The following DNAH8 variants were observed in gnomAD, a reference collection of about 807,000 sequenced individuals.
DNAH8 encodes the protein dynein axonemal heavy chain 8, also known as axonemal beta dynein heavy chain 8.
In DNAH8, 382 loss-of-function variants were observed where a neutral mutation model predicts 562.1. That is an observed-to-expected ratio of 0.68 (90% confidence interval 0.63 to 0.74). The LOEUF is 0.74. Among genes scored for constraint, DNAH8 ranks in the 30% least tolerant of loss-of-function variants. The probability of loss-of-function intolerance (pLI) is 0.00; values close to 1 mark genes in which losing one functional copy is unlikely to be tolerated. For missense variants in DNAH8, 5,203 were observed against 5,620.4 expected, an observed-to-expected ratio of 0.93 and a Z score of 2.37; for synonymous variants, 1,881 against 1,919.4, an observed-to-expected ratio of 0.98 and a Z score of 0.52.
chr6:38,734,528 A>T lies in DNAH8; in HGVS notation c.665A>T (p.Tyr222Phe), dbSNP rs753974456. The change falls in exon 5 of 93, where the codon TAT becomes TTT. Residue 222 changes from tyrosine to phenylalanine, a missense_variant. By Grantham distance (22) the Tyr-to-Phe change is conservative (BLOSUM62 3). This residue lies in a region of DNAH8 where 556 missense variants were observed against 496.9 expected (regional missense o/e 1.12). Coordinates refer to ENST00000327475, the MANE Select transcript of DNAH8 (RefSeq NM_001206927.2). The stretch of plus-strand genomic sequence containing the variant: ...AAAGGGGCAAAAATGATGAAATTGT[A>T]TATAGACAATGCAGCCCCGGATAAA... ...ATKGAKMMKL[Y>F]IDNAAPDKLK... is the part of the protein sequence containing the mutation. 1.9e-6 allele frequency: 3 copies of T among 1,613,880 alleles called. No individual in the cohort carries two copies. The highest frequency in any genetic ancestry group is 2.7e-5 in the African/African-American group (2 of 74,940).
chr6:38,913,766 A>G (rs1781084441), intron 66 of DNAH8, 83 bp from the exon 67 acceptor site: 1 of 940,474 alleles, frequency 1.1e-6, no homozygotes, highest in African/African-American at 1.6e-5. Context: ...TACAGTGCCT[A>G]ATAAATAGTA....
chr6:38,975,686 T>A (rs985871704), intron 85 of DNAH8, among the ~76,000 whole-genome samples: 2 of 152,206 alleles, frequency 1.3e-5, no homozygotes, highest in African/African-American at 4.8e-5. Context: ...GGCCTTTGGA[T>A]TGTCAATTAC....
chr6:38,779,898 A>G, intron 14 of DNAH8, 68 bp from the exon 15 acceptor site: 1 of 1,383,792 alleles, frequency 7.2e-7, no homozygotes. Flanking sequence ...ATGGATGGTT[A>G]GTATGACAGC....
At position 38,949,498 on chromosome 6, in the gene DNAH8, C is replaced by T. The variant is rs780928277; in HGVS notation, c.12176C>T (p.Ala4059Val). The T allele has an allele frequency of 4.5e-5, 72 of 1,613,390 alleles. No individual in the cohort carries two copies. The highest frequency in any genetic ancestry group is 5.6e-5 in the Non-Finnish European group (66 of 1,179,578). Residue 4059 changes from alanine to valine, a missense_variant, in exon 81 of 93, where the codon GCT becomes GTT. Ala to Val is a moderately conservative substitution (Grantham distance 64, BLOSUM62 0). Coordinates refer to ENST00000327475, the MANE Select transcript of DNAH8 (RefSeq NM_001206927.2). ...TGGAAAAGCTGGTTTGATAAAGATG[C>T]TCCAGAGGAGGAAATTATCCCTGAT... is the stretch of plus-strand genomic sequence containing the variant. ...KGWKSWFDKD[A>V]PEEEIIPDGY... is the part of the protein sequence containing the mutation.
At chr6:38,917,474 A>G in intron 69 of DNAH8, 68 bp downstream of exon 69, 3 of 1,287,462 alleles carry the variant, frequency 2.3e-6, no homozygotes, top group East Asian at 2.3e-5. Context: ...GACACTCAAT[A>G]TAGACCAGAC....
At chr6:38,865,047 C>T (rs1776933252) in intron 45 of DNAH8, among the ~76,000 whole-genome samples, 1 of 152,156 alleles carries the variant, frequency 6.6e-6, no homozygotes, top group African/African-American at 2.4e-5. Flanking sequence ...TAAGGGTGAG[C>T]TTTGAGATTC....
At chr6:38,866,993 G>T (rs935283658) in intron 47 of DNAH8, 117 bp downstream of exon 47, 7 of 601,084 alleles carry the variant, frequency 1.2e-5, no homozygotes, top group Non-Finnish European at 2.0e-5. Context: ...TTTCTAAAAT[G>T]CTTTTAGAAT....
At chr6:38,866,455 G>A in intron 45 of DNAH8, 136 bp from the exon 46 acceptor site, 1 of 627,344 alleles carries the variant, frequency 1.6e-6, no homozygotes, top group Non-Finnish European at 2.7e-6. Context: ...ATATTGTTTT[G>A]AGAAAACAAG....
In DNAH8 at chr6:39,024,924, G is replaced by A. The variant is rs1399571500; in HGVS notation, c.13715-1622G>A. 2.0e-5 allele frequency among the ~76,000 whole-genome samples: 3 copies of A among 152,166 alleles called. No homozygotes were observed. The East Asian group carries it at 5.8e-4, about 29-fold the overall frequency. ...GTTGATTGGTCAACTCTTCTTTTGG[G>A]TTAATGCAAAGGCCCTTCTTTACCA... On this transcript the variant is annotated intron_variant, in intron 91 of 92. Transcript: ENST00000327475.
chr6:38,936,314 C>T (rs1048467503), intron 77 of DNAH8: 1 of 152,166 alleles, frequency 6.6e-6, no homozygotes, highest in African/African-American at 2.4e-5. Context: ...CTTGACCTCC[C>T]ACTTTAGATG....
In DNAH8 at chr6:38,951,452, T is replaced by C; in HGVS notation, c.12383T>C (p.Ile4128Thr). Residue 4128 changes from isoleucine to threonine, a missense_variant, in exon 82 of 93, where the codon ATA becomes ACA. Ile to Thr is a moderately conservative substitution (Grantham distance 89, BLOSUM62 -1). This residue lies in a region of DNAH8 where 1,399 missense variants were observed against 1,518.4 expected (regional missense o/e 0.92). Transcript: ENST00000327475. Reference sequence around the variant, plus strand: ...GAAAGTGATACCCGGACACCTCTGATATGCTTCCTGTCCATGGGATCTGAC... The same window carrying C: ...GAAAGTGATACCCGGACACCTCTGACATGCTTCCTGTCCATGGGATCTGAC... ...WEESDTRTPL[I>T]CFLSMGSDPT... 1 of 1,614,188 alleles carries C rather than the reference T, an allele frequency of 6.2e-7. No individual in the cohort carries two copies. The highest frequency in any genetic ancestry group is 1.3e-5 in the African/African-American group (1 of 75,052).
chr6:38,805,427 C>G (rs1240078949), intron 22 of DNAH8, 54 bp from the exon 23 acceptor site: 9 of 1,116,626 alleles, frequency 8.1e-6, no homozygotes, highest in Non-Finnish European at 1.2e-5. Context: ...ATGTAGAATA[C>G]AGACAATGCT....
At chr6:39,026,460 A>G in intron 91 of DNAH8, 86 bp from the exon 92 acceptor site, 2 of 1,349,528 alleles carry the variant, frequency 1.5e-6, no homozygotes, top group Non-Finnish European at 2.0e-6. Flanking sequence ...GGAGATTGAT[A>G]AGCAAGTAAC....
intron 26 of DNAH8, 24 bp from the exon 27 acceptor site, chr6:38,822,814 T>C: frequency 6.7e-7 from 1 of 1,488,990 alleles, no homozygotes; most frequent in Non-Finnish European, 9.0e-7. Context: ...AAGTTATTTA[T>C]AGTGTAAAAA....
At chr6:38,970,823 A>C (rs1347932266) in intron 82 of DNAH8, among the ~76,000 whole-genome samples, 1 of 152,202 alleles carries the variant, frequency 6.6e-6, no homozygotes, top group African/African-American at 2.4e-5. Context: ...TTCCAATTGC[A>C]GTTGTGCAAA....
chr6:39,017,158 C>T lies in DNAH8; in HGVS notation c.13714+4521C>T, dbSNP rs899774858. Among the ~76,000 whole-genome samples the T allele has an allele frequency of 5.3e-5, 8 of 151,948 alleles. No individual in the cohort carries two copies. The East Asian group carries it at 5.8e-4, about 11-fold the overall frequency. ...CAGCAGATTACTCAGGCCAGGGGAACCTTTGTGCTCCACTGGGTTTTCCCA... is the reference window on the plus strand; with the variant it reads ...CAGCAGATTACTCAGGCCAGGGGAATCTTTGTGCTCCACTGGGTTTTCCCA... On this transcript the variant is annotated intron_variant, in intron 91 of 92. Coordinates refer to ENST00000327475, the MANE Select transcript of DNAH8 (RefSeq NM_001206927.2).
intron 88 of DNAH8, among the ~76,000 whole-genome samples, chr6:39,007,761 T>C (rs1340406945): frequency 3.9e-5 from 6 of 152,246 alleles, no homozygotes; most frequent in African/African-American, 1.4e-4. Flanking sequence ...CAACCCTTAC[T>C]TCTTATCTGA....
chr6:38,859,407 A>G (rs992076064), intron 42 of DNAH8, among the ~76,000 whole-genome samples: 6 of 152,228 alleles, frequency 3.9e-5, no homozygotes, highest in African/African-American at 7.2e-5. Flanking sequence ...AACAATAGCA[A>G]AAAGCAGGAC....
chr6:38,959,026 A>G (rs1268241870), intron 82 of DNAH8, among the ~76,000 whole-genome samples: 1 of 152,192 alleles, frequency 6.6e-6, no homozygotes, highest in African/African-American at 2.4e-5. Context: ...AAGGACAAAA[A>G]CCATATGATC....
Sources: allele counts gnomAD v4.1 joint callset (sites outside exome capture counted in the v4.1 genomes callset), GRCh38; gene constraint gnomAD v4.1.1; regional missense constraint gnomAD v4.1.1; transcripts MANE v1.5; gene names NCBI Gene and HGNC (gene_info 2026-07-23, HGNC 2026-07-21).